CPNE8: variants seen among roughly 807,000 people sequenced by gnomAD.
CPNE8 encodes the protein copine 8, also known as copine-8.
In CPNE8, 45 loss-of-function variants were observed where a neutral mutation model predicts 81.5. The observed-to-expected ratio is 0.55, with a 90% CI of 0.44 to 0.71. The LOEUF (loss-of-function observed/expected upper bound fraction) is 0.71, where lower values mean the gene tolerates loss of function less well. CPNE8 is among the 30% of genes least tolerant of loss of function. The pLI, the probability that CPNE8 is intolerant of heterozygous loss-of-function variation, is 0.00. For missense variants in CPNE8, 594 were observed against 672.1 expected (o/e 0.88, Z 1.28); for synonymous variants, 252 against 226.3 (o/e 1.11, Z -1.02).
chr12:38,678,944 C>T lies in CPNE8; in HGVS notation c.1272-1390G>A, dbSNP rs185179833. 2.0e-3 allele frequency among the ~76,000 whole-genome samples: 306 copies of T among 151,838 alleles called. 2 individuals carry two copies. The highest frequency in any genetic ancestry group is 6.9e-3 in the African/African-American group (288 of 41,504). On this transcript the variant is annotated intron_variant, in intron 16 of 19. Transcript: ENST00000331366. ...ACAACCAGTGGAAAACAATCCAAAG[C>T]GGTTATAAACCTATTCTCCTATTCC...
intron 4 of CPNE8, among the ~76,000 whole-genome samples, chr12:38,847,017 T>C (rs575942830): frequency 6.6e-6 from 1 of 152,234 alleles, no homozygotes; most frequent in South Asian, 2.1e-4. Flanking sequence ...ATATATTTAT[T>C]GCAATTCCTG....
chr12:38,844,852 A>G (rs2137050374), intron 4 of CPNE8, among the ~76,000 whole-genome samples: 1 of 152,312 alleles, frequency 6.6e-6, no homozygotes, highest in Middle Eastern at 3.4e-3. Context: ...TATAAAATCA[A>G]CAGGCATTAA....
At chr12:38,683,361 T>C (rs1939453487) in intron 16 of CPNE8, among the ~76,000 whole-genome samples, 1 of 152,154 alleles carries the variant, frequency 6.6e-6, no homozygotes, top group Non-Finnish European at 1.5e-5. Context: ...TATATTAACA[T>C]ATACAGAATT....
chr12:38,886,315 T>G (rs1382145479), intron 1 of CPNE8, among the ~76,000 whole-genome samples: 1 of 152,166 alleles, frequency 6.6e-6, no homozygotes, highest in Non-Finnish European at 1.5e-5. Flanking sequence ...GATCATAGTA[T>G]CCTCCTCATA....
intron 1 of CPNE8, among the ~76,000 whole-genome samples, chr12:38,887,153 C>A (rs1944248569): frequency 6.6e-6 from 1 of 152,154 alleles, no homozygotes; most frequent in Non-Finnish European, 1.5e-5. Flanking sequence ...GACATTACTG[C>A]AACTTCCCAG....
At chr12:38,787,515 G>A (rs1308097555) in intron 6 of CPNE8, among the ~76,000 whole-genome samples, 6 of 139,880 alleles carry the variant, frequency 4.3e-5, no homozygotes, top group Admixed American at 4.3e-4. Context: ...AACTTCAAAT[G>A]AACAATCTAA....
At chr12:38,756,039 CAAAAAAA>C (rs60851774) in intron 10 of CPNE8, among the ~76,000 whole-genome samples, 7 of 82,360 alleles carry the variant, frequency 8.5e-5, no homozygotes, top group African/African-American at 2.1e-4. Context: ...GACTCCGTCT[CAAAAAAA>C]AAAAAAAAAG....
rs189787964 is a variant in CPNE8 at position 38,766,362 on chromosome 12, C to T, written c.575+1273G>A. ...ATTCAGAATCATTCTTGAGGTTTTC[C>T]TCTATTTTCGAAATGCCTGGCAAAT... On this transcript the variant is annotated intron_variant, in intron 8 of 19. Coordinates refer to ENST00000331366, the MANE Select transcript of CPNE8 (RefSeq NM_153634.3). 2.0e-5 allele frequency among the ~76,000 whole-genome samples: 3 copies of T among 152,096 alleles called. No individual in the cohort carries two copies. In the East Asian group the frequency reaches 5.8e-4, roughly 29 times the overall value.
intron 16 of CPNE8, among the ~76,000 whole-genome samples, chr12:38,678,279 T>C (rs1381919083): frequency 2.0e-5 from 3 of 152,034 alleles, no homozygotes; most frequent in East Asian, 1.9e-4. Context: ...ATTATGTATA[T>C]GATAACATAT....
rs931223495 is a variant in CPNE8 at position 38,765,166 on chromosome 12, G to C, written c.575+2469C>G. Among the ~76,000 whole-genome samples the C allele has an allele frequency of 3.3e-5, 5 of 152,104 alleles. No individual in the cohort carries two copies. The South Asian group carries it at 1.0e-3, about 32-fold the overall frequency. On this transcript the variant is annotated intron_variant, in intron 8 of 19. Coordinates refer to ENST00000331366, the MANE Select transcript of CPNE8 (RefSeq NM_153634.3). Reference sequence around the variant, plus strand: ...AATGTATTAGATATCATATATATAGGAAAACCTCACTGGTAAGAATTCCAG... The same window carrying C: ...AATGTATTAGATATCATATATATAGCAAAACCTCACTGGTAAGAATTCCAG...
chr12:38,861,508 T>C (rs1349116967), intron 3 of CPNE8, among the ~76,000 whole-genome samples: 2 of 152,182 alleles, frequency 1.3e-5, no homozygotes, highest in African/African-American at 2.4e-5. Context: ...CAATCTTGAA[T>C]GACTAATACC....
chr12:38,657,612 A>G (rs1007659531), intron 19 of CPNE8, among the ~76,000 whole-genome samples: 2 of 152,064 alleles, frequency 1.3e-5, no homozygotes. Flanking sequence ...TAACTGGGAG[A>G]CACCTCCCAG....
chr12:38,696,770 C>A (rs1237376969), intron 14 of CPNE8, among the ~76,000 whole-genome samples: 1 of 152,160 alleles, frequency 6.6e-6, no homozygotes, highest in Non-Finnish European at 1.5e-5. Context: ...TTCAGCTGGG[C>A]ATGGTGGCTC....
chr12:38,771,829 A>T (rs548777876), intron 7 of CPNE8, among the ~76,000 whole-genome samples: 1 of 152,288 alleles, frequency 6.6e-6, no homozygotes, highest in East Asian at 1.9e-4. Flanking sequence ...ATCAAACTAC[A>T]AAGCTTCTGC....
chr12:38,871,147 T>C (rs1943986139), intron 3 of CPNE8, among the ~76,000 whole-genome samples: 1 of 152,234 alleles, frequency 6.6e-6, no homozygotes, highest in Non-Finnish European at 1.5e-5. Flanking sequence ...GCCCTTAAAC[T>C]AACTGGCCAA....
chr12:38,825,390 G>A (rs1218572353), intron 6 of CPNE8, among the ~76,000 whole-genome samples: 2 of 152,050 alleles, frequency 1.3e-5, no homozygotes, highest in East Asian at 1.9e-4. Flanking sequence ...TAAAAAAAGT[G>A]AAGTACATGG....
In CPNE8 at chr12:38,760,451, A is replaced by ATATATATATATATATATATATATG. The variant is rs749406707; in HGVS notation, c.722+395_722+396insCATATATATATATATATATATATA. ...GTATGGTGTGTATATATATATATATATGTGTGTGTATATAGGCAGAGTTGG... is the reference window on the plus strand; with the variant it reads ...GTATGGTGTGTATATATATATATATATATATATATATATATATATATATGTGTGTGTGTATATAGGCAGAGTTGG... On this transcript the variant is annotated intron_variant, in intron 10 of 19. Transcript: ENST00000331366. 5.8e-5 allele frequency among the ~76,000 whole-genome samples: 7 copies of ATATATATATATATATATATATATG among 120,174 alleles called. No individual in the cohort carries two copies. In the South Asian group the frequency reaches 7.8e-4, roughly 13 times the overall value. The allele number at this position is 120,174 out of a possible 152,430, so 78.8% of individuals were successfully genotyped here. A position where few individuals can be genotyped will look rare whatever the true frequency, so the allele number is the denominator to read the frequency against.
At chr12:38,855,488 G>A (rs1431308180) in intron 3 of CPNE8, among the ~76,000 whole-genome samples, 3 of 152,066 alleles carry the variant, frequency 2.0e-5, no homozygotes, top group Non-Finnish European at 2.9e-5. Flanking sequence ...CAATGCTACA[G>A]TTACCAACAC....
At chr12:38,756,961 A>T (rs1243235787) in intron 10 of CPNE8, among the ~76,000 whole-genome samples, 3 of 152,192 alleles carry the variant, frequency 2.0e-5, no homozygotes, top group Non-Finnish European at 4.4e-5. Context: ...ATTCTATATT[A>T]AAATGACAAT....
Sources: gnomAD v4.1 joint callset for allele counts (sites outside exome capture counted in the v4.1 genomes callset) on GRCh38, gnomAD v4.1.1 for gene constraint, MANE v1.5 for transcripts, NCBI Gene and HGNC (gene_info 2026-07-23, HGNC 2026-07-21) for gene names.